The following GPATCH2 variants were observed in gnomAD, a reference collection of about 807,000 sequenced individuals.
GPATCH2 encodes the protein G patch domain-containing protein 2.
In GPATCH2, 51 loss-of-function variants were observed where a neutral mutation model predicts 58.0. That is an observed-to-expected ratio of 0.88 (90% CI 0.70 to 1.11). The LOEUF (loss-of-function observed/expected upper bound fraction) is 1.11. Among genes scored for constraint, GPATCH2 ranks in the 50% most tolerant of loss-of-function variants. The pLI is 0.00. For missense variants in GPATCH2, 625 were observed against 652.2 expected (o/e 0.96, Z 0.45); for synonymous variants, 222 against 218.5 (o/e 1.02, Z -0.14).
chr1:217,628,542 T>C (rs938933617), intron 1 of GPATCH2, among the ~76,000 whole-genome samples: 1 of 151,892 alleles, frequency 6.6e-6, no homozygotes, highest in Non-Finnish European at 1.5e-5. Flanking sequence ...TTCAAAAAAA[T>C]GCACACCATT....
chr1:217,561,915 G>A (rs755987040), intron 5 of GPATCH2, among the ~76,000 whole-genome samples: 1 of 152,128 alleles, frequency 6.6e-6, no homozygotes, highest in Non-Finnish European at 1.5e-5. Flanking sequence ...ATTCTCTCTG[G>A]GGACTGGTTC....
intron 5 of GPATCH2, among the ~76,000 whole-genome samples, chr1:217,549,520 T>C (rs1368609579): frequency 6.7e-6 from 1 of 149,858 alleles, no homozygotes; most frequent in Non-Finnish European, 1.5e-5. Context: ...TACCTCTCCA[T>C]CTTTGCCCTT....
intron 5 of GPATCH2, chr1:217,609,754 G>A (rs576514289): frequency 2.1e-6 from 2 of 947,394 alleles, no homozygotes; most frequent in South Asian, 9.8e-5. Context: ...ACAACAGTCA[G>A]ATATGTAAAA....
chr1:217,596,851 T>C (rs1667855630), intron 5 of GPATCH2, among the ~76,000 whole-genome samples: 1 of 152,164 alleles, frequency 6.6e-6, no homozygotes. Context: ...AAAACCTGTG[T>C]ATTTATTATT....
intron 5 of GPATCH2, among the ~76,000 whole-genome samples, chr1:217,603,148 T>C (rs999696022): frequency 2.6e-5 from 4 of 152,126 alleles, no homozygotes; most frequent in African/African-American, 9.7e-5. Context: ...AATACTAACA[T>C]TCACTTTGCA....
intron 5 of GPATCH2, among the ~76,000 whole-genome samples, chr1:217,517,156 TAC>T (rs1244053390): frequency 6.6e-6 from 1 of 152,190 alleles, no homozygotes; most frequent in African/African-American, 2.4e-5. Flanking sequence ...ACAAAAGATT[TAC>T]AGTTTCAAGT....
intron 8 of GPATCH2, among the ~76,000 whole-genome samples, chr1:217,462,296 T>A (rs1020405029): frequency 6.6e-6 from 1 of 152,184 alleles, no homozygotes; most frequent in Admixed American, 6.5e-5. Context: ...AGTCCCTATG[T>A]TTTATAAACT....
At chr1:217,537,457 T>C (rs1664532904) in intron 5 of GPATCH2, among the ~76,000 whole-genome samples, 1 of 152,050 alleles carries the variant, frequency 6.6e-6, no homozygotes, top group East Asian at 1.9e-4. Flanking sequence ...GTTATAATTA[T>C]ATATTATAAA....
At chr1:217,580,238 G>C (rs907081885) in intron 5 of GPATCH2, among the ~76,000 whole-genome samples, 3 of 152,072 alleles carry the variant, frequency 2.0e-5, no homozygotes, top group Non-Finnish European at 4.4e-5. Flanking sequence ...AAACTATCTT[G>C]AGTTTAAATA....
At chr1:217,628,893 A>G (rs1235475503) in intron 1 of GPATCH2, among the ~76,000 whole-genome samples, 1 of 152,116 alleles carries the variant, frequency 6.6e-6, no homozygotes, top group Non-Finnish European at 1.5e-5. Context: ...TATCTCATTC[A>G]GACACATAGG....
chr1:217,575,572 T>C (rs1249149939), intron 5 of GPATCH2, among the ~76,000 whole-genome samples: 1 of 152,160 alleles, frequency 6.6e-6, no homozygotes, highest in Admixed American at 6.5e-5. Flanking sequence ...TTTATGTGCT[T>C]CCAATTTGAT....
Position 217,429,253 on chromosome 1 carries a change from A to C in GPATCH2, c.*1892T>G, listed in dbSNP as rs930467236. On this transcript the variant is annotated 3_prime_UTR_variant, in exon 10 of 10. Transcript: ENST00000366935. ...TAAAAAAATGGCAAATTTGTAAGTA[A>C]AAAACTTGTAGAAAGTAATGATACC... The C allele has an allele frequency of 2.6e-5, 4 of 152,210 alleles. No individual in the cohort carries two copies. Among genetic ancestry groups the C allele is most frequent in the Non-Finnish European group, 5.9e-5 (4 of 68,052 alleles). 9.4% of individuals were successfully genotyped at this position (152,210 alleles called of 1,614,324 possible). A position where few individuals can be genotyped will look rare whatever the true frequency, so the allele number is the denominator to read the frequency against.
chr1:217,461,887 C>G (rs143902543), intron 8 of GPATCH2, among the ~76,000 whole-genome samples: 1 of 152,074 alleles, frequency 6.6e-6, no homozygotes, highest in Non-Finnish European at 1.5e-5. Flanking sequence ...TGTTATATCC[C>G]TAAAACTTTT....
chr1:217,528,328 C>G (rs1313553721), intron 5 of GPATCH2, among the ~76,000 whole-genome samples: 1 of 152,124 alleles, frequency 6.6e-6, no homozygotes, highest in Non-Finnish European at 1.5e-5. Context: ...AACAAGATAA[C>G]GTTTTCATGT....
At chr1:217,484,801 A>G (rs1352693217) in intron 8 of GPATCH2, among the ~76,000 whole-genome samples, 1 of 150,948 alleles carries the variant, frequency 6.6e-6, no homozygotes, top group Non-Finnish European at 1.5e-5. Context: ...CCATATAGAT[A>G]TATATGTATA....
intron 2 of GPATCH2, among the ~76,000 whole-genome samples, chr1:217,614,743 C>A: frequency 6.7e-6 from 1 of 149,614 alleles, no homozygotes. Context: ...CGGTGATAAT[C>A]CATTATATCG....
chr1:217,465,726 C>CA (rs1660419198), intron 8 of GPATCH2, among the ~76,000 whole-genome samples: 1 of 152,186 alleles, frequency 6.6e-6, no homozygotes, highest in Non-Finnish European at 1.5e-5. Context: ...CCAATTAAAT[C>CA]TCTTTCTTCC....
intron 9 of GPATCH2, among the ~76,000 whole-genome samples, chr1:217,442,223 C>T (rs1659175657): frequency 6.6e-6 from 1 of 152,130 alleles, no homozygotes; most frequent in South Asian, 2.1e-4. Context: ...CCATCATTCT[C>T]AGCAAACTAA....
rs1396472354 is a variant in GPATCH2, at chr1:217,429,401, T to C, written c.*1744A>G. ...GGGAAAGAAGATAATTCTCAAGAAA[T>C]GTACATTTGGCAAACCGTGAAGGCT... is the stretch of plus-strand genomic sequence containing the variant. On this transcript the variant is annotated 3_prime_UTR_variant, in exon 10 of 10. Transcript: ENST00000366935. The C allele has an allele frequency of 1.3e-5, 2 of 152,160 alleles. No homozygotes were observed. The highest frequency in any genetic ancestry group is 2.9e-5 in the Non-Finnish European group (2 of 68,026). The allele number at this position is 152,160 out of a possible 1,614,324, so 9.4% of individuals were successfully genotyped here.
Sources: allele counts gnomAD v4.1 joint callset (sites outside exome capture counted in the v4.1 genomes callset), GRCh38; gene constraint gnomAD v4.1.1; transcripts MANE v1.5; gene names NCBI Gene and HGNC (gene_info 2026-07-23, HGNC 2026-07-21).